USP36: variants seen among roughly 807,000 people sequenced by gnomAD.
USP36 encodes the protein ubiquitin carboxyl-terminal hydrolase 36.
Under a neutral mutation model 111.5 loss-of-function variants are expected in USP36, and 59 were observed. The observed-to-expected ratio is 0.53, with a 90% confidence interval of 0.43 to 0.66. The LOEUF (loss-of-function observed/expected upper bound fraction) is 0.66. Among genes scored for constraint, USP36 ranks in the 30% least tolerant of loss-of-function variants. The pLI is 0.00. For missense variants in USP36, 1,488 were observed against 1,468.0 expected (o/e 1.01, Z -0.22); for synonymous variants, 628 against 581.0 (o/e 1.08, Z -1.16).
At chr17:78,801,782 G>A (rs960819835) in intron 17 of USP36, among the ~76,000 whole-genome samples, 1 of 152,234 alleles carries the variant, frequency 6.6e-6, no homozygotes, top group Non-Finnish European at 1.5e-5. Context: ...AGTTCAGGGA[G>A]TCATTCCGTG....
At position 78,806,236 on chromosome 17, in the gene USP36, G is replaced by C. The variant is rs139874390; in HGVS notation, c.2136C>G (p.Pro712=). 9.9e-6 allele frequency: 16 copies of C among 1,613,562 alleles called. No homozygotes were observed. In the South Asian group the frequency reaches 1.1e-4, roughly 11 times the overall value. ...GGTGGGTGAGGTCGGAGGATGGTGA[G>C]GGGGGAGGTGGACGGAGGTCATTGC... is the stretch of plus-strand genomic sequence containing the variant. ...ATGNDLRPPP[P]SPSSDLTHPM... is the part of the protein sequence containing the mutation. The change falls in exon 15 of 21, where the codon CCC becomes CCG. Residue 712 remains proline, a synonymous_variant. Transcript: ENST00000449938.
At chr17:78,815,280 CGA>C (rs1178070416) in intron 10 of USP36, among the ~76,000 whole-genome samples, 1 of 152,036 alleles carries the variant, frequency 6.6e-6, no homozygotes, top group African/African-American at 2.4e-5. Flanking sequence ...TACAGTGAGC[CGA>C]GATCATACCA....
In USP36 at chr17:78,812,896, G is replaced by C. The variant is rs148947886; in HGVS notation, c.1371C>G (p.Ile457Met). 2 of 1,613,714 alleles carry C rather than the reference G, an allele frequency of 1.2e-6. No individual in the cohort carries two copies. Among genetic ancestry groups the C allele is most frequent in the Non-Finnish European group, 8.5e-7 (1 of 1,179,974 alleles). Residue 457 changes from isoleucine (I) to methionine (M), a missense_variant, in exon 13 of 21, where the codon ATC becomes ATG. Coordinates refer to ENST00000449938, the MANE Select transcript of USP36 (RefSeq NM_001385174.1). ...GTGGGGAGGAAATAATCCCATTGCC[G>C]ATGTTCTTCTTGGAGTGATCTGGAA... ...SVIPDHSKKN[I>M]GNGIISSPLT...
intron 6 of USP36, chr17:78,823,113 C>G: frequency 2.5e-6 from 1 of 398,774 alleles, no homozygotes; most frequent in Non-Finnish European, 4.4e-6. Context: ...GACTATTTAC[C>G]ATGGCACTTC....
Position 78,835,438 on chromosome 17 carries a change from G to A in USP36, c.317C>T (p.Pro106Leu), listed in dbSNP as rs992345103. The A allele has an allele frequency of 6.2e-7, 1 of 1,614,132 alleles. No homozygotes were observed. The highest frequency in any genetic ancestry group is 8.5e-7 in the Non-Finnish European group (1 of 1,179,986). Residue 106 changes from proline to leucine, a missense_variant, in exon 4 of 21, where the codon CCC (proline) becomes CTC (leucine). Coordinates refer to ENST00000449938, the MANE Select transcript of USP36 (RefSeq NM_001385174.1). The part of the protein sequence containing the change: ...GVPAPQKVLF[P>L]TERLSLRWER... ...CCACCTCAGAGACAGTCGCTCCGTG[G>A]GGAAAAGCACTTTCTGCGGGGCTGG... is the stretch of plus-strand genomic sequence containing the variant.
At position 78,814,537 on chromosome 17, in the gene USP36, C is replaced by T. The variant is rs1243419621; in HGVS notation, c.1039G>A (p.Glu347Lys). 1 of 1,613,984 alleles carries T rather than the reference C, an allele frequency of 6.2e-7. No individual in the cohort carries two copies. ...ATATACGGACGTATGTTGAGGAATT[C>T]CGGATAGCCTACATCCTGTTTGAAA... is the stretch of plus-strand genomic sequence containing the variant. The part of the protein sequence containing the change: ...GKITKDVGYP[E>K]FLNIRPYMSQ... The change falls in exon 11 of 21, where the codon GAA becomes AAA. Residue 347 changes from glutamate (E) to lysine (K), a missense_variant. Transcript: ENST00000449938.
At chr17:78,808,497 C>A (rs1377186076) in intron 13 of USP36, among the ~76,000 whole-genome samples, 1 of 152,172 alleles carries the variant, frequency 6.6e-6, no homozygotes, top group Non-Finnish European at 1.5e-5. Context: ...GCAATCCTCC[C>A]ACCCTGGCCT....
chr17:78,838,916 T>C (rs1337588027), intron 1 of USP36, 166 bp from the exon 2 acceptor site: 1 of 151,992 alleles, frequency 6.6e-6, no homozygotes, highest in Non-Finnish European at 1.5e-5. Flanking sequence ...CCGTACTACC[T>C]CATCACCAGT....
intron 4 of USP36, among the ~76,000 whole-genome samples, chr17:78,834,484 C>A (rs2068460417): frequency 6.6e-6 from 1 of 152,006 alleles, no homozygotes; most frequent in African/African-American, 2.4e-5. Flanking sequence ...GCTCTGTCAC[C>A]CAGGCTGGAG....
chr17:78,823,912 A>G (rs994192240), intron 6 of USP36, among the ~76,000 whole-genome samples: 6 of 152,236 alleles, frequency 3.9e-5, no homozygotes, highest in African/African-American at 1.4e-4. Context: ...AAGATAAATG[A>G]AAGCAGGCCC....
intron 13 of USP36, 128 bp downstream of exon 13, chr17:78,812,732 A>G (rs561707796): frequency 1.1e-5 from 10 of 883,022 alleles, no homozygotes; most frequent in African/African-American, 3.4e-5. Context: ...AAGAAAAGAA[A>G]TAACATCAAC....
Position 78,798,606 on chromosome 17 carries a change from A to C in USP36, c.3241-55T>G. On this transcript the variant is annotated intron_variant, in intron 19 of 20. Transcript: ENST00000449938. The surrounding 1 kb of genome is among the most constrained non-coding windows in gnomAD (Gnocchi z 5.1). Reference sequence around the variant, plus strand: ...CCCAAAAACGGCTCTTTCCTGGCCCACGGGGCTCCATGCTGCATGCAGGTC... The same window carrying C: ...CCCAAAAACGGCTCTTTCCTGGCCCCCGGGGCTCCATGCTGCATGCAGGTC... 1 of 1,603,246 alleles carries C rather than the reference A, an allele frequency of 6.2e-7. No homozygotes were observed. Among genetic ancestry groups the C allele is most frequent in the South Asian group, 1.1e-5 (1 of 90,836 alleles).
chr17:78,807,436 C>T lies in USP36; in HGVS notation c.1608G>A (p.Val536=). Residue 536 remains valine (V), a synonymous_variant, in exon 14 of 21, where the codon GTG becomes GTA. Coordinates refer to ENST00000449938, the MANE Select transcript of USP36 (RefSeq NM_001385174.1). ...PTILDDPGKK[V]KKPAPPQHFS... ...AGTGCTGTGGAGGAGCTGGCTTCTTCACCTTCTTTCCAGGGTCGTCTAGGA... is the reference window on the plus strand; with the variant it reads ...AGTGCTGTGGAGGAGCTGGCTTCTTTACCTTCTTTCCAGGGTCGTCTAGGA... 2 of 1,614,162 alleles carry T rather than the reference C, an allele frequency of 1.2e-6. No homozygotes were observed. The highest frequency in any genetic ancestry group is 1.1e-5 in the South Asian group (1 of 91,082).
At chr17:78,823,016 C>A in intron 6 of USP36, 1 of 397,954 alleles carries the variant, frequency 2.5e-6, no homozygotes, top group South Asian at 1.3e-4. Context: ...CCACGTTTCC[C>A]ACGGCCACCC....
intron 12 of USP36, 71 bp from the exon 13 acceptor site, chr17:78,813,072 G>A (rs750372584): frequency 1.1e-5 from 17 of 1,587,898 alleles, no homozygotes; most frequent in East Asian, 4.5e-5. Context: ...ATTAGAATAA[G>A]TTAAGGCGGG....
chr17:78,791,547 T>C (rs1010886763), downstream of USP36, among the ~76,000 whole-genome samples: 13 of 152,134 alleles, frequency 8.5e-5, no homozygotes, highest in African/African-American at 2.4e-4. Flanking sequence ...AACAGTTTGG[T>C]ACAGATTCTG....
intron 18 of USP36, among the ~76,000 whole-genome samples, 166 bp downstream of exon 18, chr17:78,799,501 G>A (rs2093687837): frequency 1.3e-5 from 2 of 152,116 alleles, no homozygotes; most frequent in African/African-American, 4.8e-5. Flanking sequence ...CACGGCTGAG[G>A]GTTTAAAGAG....
At chr17:78,814,332 C>A (rs955541699) in intron 11 of USP36, 80 bp downstream of exon 11, 2 of 1,565,200 alleles carry the variant, frequency 1.3e-6, no homozygotes, top group Non-Finnish European at 1.7e-6. Context: ...AAAGTAAGTG[C>A]TCTACAGAGG....
chr17:78,840,884 C>G (rs1263208624), upstream of USP36: 1 of 152,302 alleles, frequency 6.6e-6, no homozygotes, highest in Admixed American at 6.5e-5. Flanking sequence ...GTTCGCGCTG[C>G]GCTAACTCCG....
Sources: gnomAD v4.1 joint callset for allele counts (sites outside exome capture counted in the v4.1 genomes callset) on GRCh38, gnomAD v4.1.1 for gene constraint, Gnocchi (gnomAD v3.1) non-coding constraint, MANE v1.5 for transcripts, NCBI Gene and HGNC (gene_info 2026-07-23, HGNC 2026-07-21) for gene names.